The following FBLN5 variants were observed in gnomAD, a reference collection of about 807,000 sequenced individuals.
FBLN5 encodes the protein fibulin 5.
FBLN5 carries 24 observed loss-of-function variants against 61.6 expected under a neutral mutation model. The ratio of observed to expected loss-of-function variants is 0.39; its 90% confidence interval spans 0.28 to 0.55. The LOEUF (loss-of-function observed/expected upper bound fraction) is 0.55. FBLN5 is among the 20% of genes least tolerant of loss of function. The pLI, the probability that FBLN5 is intolerant of heterozygous loss-of-function variation, is 0.65. For synonymous variants in FBLN5, 213 were observed against 219.8 expected (o/e 0.97, Z 0.27); for missense variants, 470 against 594.1 (o/e 0.79, Z 2.17).
In FBLN5 at chr14:91,882,664, G is replaced by T. The variant is rs964845310; in HGVS notation, c.862+290C>A. 3.3e-5 allele frequency among the ~76,000 whole-genome samples: 5 copies of T among 152,256 alleles called. No homozygotes were observed. The highest frequency in any genetic ancestry group is 9.6e-5 in the African/African-American group (4 of 41,468). On this transcript the variant is annotated intron_variant, in intron 8 of 10. Coordinates refer to ENST00000342058, the MANE Select transcript of FBLN5 (RefSeq NM_006329.4). The surrounding 1 kb of genome is among the most constrained non-coding windows in gnomAD (Gnocchi z 4.9). ...GAGGAGCCTCAGAGATCTGCCTGGG[G>T]AGGCAGAAAGCCACGCTTAGAGGCT...
chr14:91,885,553 T>C (rs1889690390), intron 7 of FBLN5, among the ~76,000 whole-genome samples: 1 of 152,120 alleles, frequency 6.6e-6, no homozygotes, highest in Non-Finnish European at 1.5e-5. Flanking sequence ...TGGGCCACCC[T>C]CTGGGCCGTG....
At chr14:91,925,225 A>G (rs1441058061) in intron 4 of FBLN5, among the ~76,000 whole-genome samples, 2 of 152,152 alleles carry the variant, frequency 1.3e-5, no homozygotes, top group Non-Finnish European at 2.9e-5. Context: ...CGGCCCCAAC[A>G]TACCCGCCGG....
intron 4 of FBLN5, among the ~76,000 whole-genome samples, chr14:91,896,428 C>T (rs926349176): frequency 2.1e-5 from 3 of 143,330 alleles, no homozygotes; most frequent in Non-Finnish European, 4.6e-5. Flanking sequence ...TCATCTACAC[C>T]TTTTCTCCAC....
At chr14:91,887,960 G>A (rs1595302380) in intron 6 of FBLN5, among the ~76,000 whole-genome samples, 1 of 152,178 alleles carries the variant, frequency 6.6e-6, no homozygotes, top group East Asian at 1.9e-4. Context: ...TAAAATCATG[G>A]TGCAGTTTAT....
Position 91,870,369 on chromosome 14 carries a change from C to A in FBLN5, c.1202G>T (p.Ser401Ile), listed in dbSNP as rs779205432. 3 of 1,613,846 alleles carry A rather than the reference C, an allele frequency of 1.9e-6. No homozygotes were observed. The highest frequency in any genetic ancestry group is 2.2e-5 in the East Asian group (1 of 44,894). Residue 401 changes from serine (S) to isoleucine (I), a missense_variant, in exon 11 of 11, where the codon AGT becomes ATT. Physicochemically the swap from Ser to Ile is moderately radical, Grantham distance 142. Coordinates refer to ENST00000342058, the MANE Select transcript of FBLN5 (RefSeq NM_006329.4). Reference sequence around the variant, plus strand: ...GGGGCGTGTCATCACCAGGGTGGCACTGATGGGGCCCGTTTGCTATGGACA... The same window carrying A: ...GGGGCGTGTCATCACCAGGGTGGCAATGATGGGGCCCGTTTGCTATGGACA... ...EFYMRQTGPI[S>I]ATLVMTRPIK...
intron 6 of FBLN5, among the ~76,000 whole-genome samples, chr14:91,890,317 A>C (rs1025395691): frequency 2.0e-5 from 3 of 152,240 alleles, no homozygotes; most frequent in African/African-American, 7.2e-5. Context: ...GGAGCCTGCC[A>C]GCCAGAACTC....
intron 9 of FBLN5, 94 bp downstream of exon 9, chr14:91,881,198 C>A (rs1166132424): frequency 3.0e-5 from 44 of 1,464,714 alleles, no homozygotes; most frequent in Non-Finnish European, 3.8e-6. Context: ...CCCCTCACTT[C>A]CTGGCTGGTG....
At chr14:91,940,945 T>C (rs1243836838) in intron 2 of FBLN5, among the ~76,000 whole-genome samples, 2 of 146,576 alleles carry the variant, frequency 1.4e-5, no homozygotes, top group African/African-American at 5.4e-5. Context: ...TTAGAAAAAC[T>C]TTATTTAAAA....
intron 10 of FBLN5, among the ~76,000 whole-genome samples, chr14:91,875,876 C>G (rs1212039058): frequency 6.6e-6 from 1 of 152,124 alleles, no homozygotes; most frequent in Non-Finnish European, 1.5e-5. Context: ...TGAGACAATC[C>G]AATAGAAATG....
chr14:91,946,889 T>TA (rs1305278488), intron 1 of FBLN5: 1 of 1,473,784 alleles, frequency 6.8e-7, no homozygotes, highest in Admixed American at 2.6e-5. Flanking sequence ...ATTTAAAAAA[T>TA]ACATACAAAA....
intron 1 of FBLN5, among the ~76,000 whole-genome samples, chr14:91,945,828 A>C (rs980540126): frequency 6.6e-6 from 1 of 152,200 alleles, no homozygotes; most frequent in Non-Finnish European, 1.5e-5. Flanking sequence ...CTGACCTTAT[A>C]AAGTGCAGAG....
Position 91,885,050 on chromosome 14 carries a change from A to G in FBLN5, c.740-1974T>C, listed in dbSNP as rs1453609451. 2.0e-5 allele frequency among the ~76,000 whole-genome samples: 3 copies of G among 152,302 alleles called. No homozygotes were observed. In the East Asian group the frequency reaches 5.8e-4, roughly 29 times the overall value. The stretch of plus-strand genomic sequence containing the variant: ...AGGAGGGGTCTGGGGCTACACGGAG[A>G]GGCCACCCCAGCCGTGATAACACAG... On this transcript the variant is annotated intron_variant, in intron 7 of 10. Coordinates refer to ENST00000342058, the MANE Select transcript of FBLN5 (RefSeq NM_006329.4).
At chr14:91,891,755 T>C (rs572244591) in intron 5 of FBLN5, among the ~76,000 whole-genome samples, 123 of 152,290 alleles carry the variant, frequency 8.1e-4, no homozygotes, top group South Asian at 5.2e-3. Flanking sequence ...AATGTTAAGA[T>C]TCAACTCAAA....
At chr14:91,893,352 A>G (rs1252319096) in intron 5 of FBLN5, among the ~76,000 whole-genome samples, 1 of 152,234 alleles carries the variant, frequency 6.6e-6, no homozygotes, top group East Asian at 1.9e-4. Flanking sequence ...GTTGGTTTGA[A>G]TGCACAGTGA....
At chr14:91,922,651 T>TGAGGTGGGATTTTCCAGAGACGTCTG (rs2055760702) in intron 4 of FBLN5, among the ~76,000 whole-genome samples, 1 of 152,210 alleles carries the variant, frequency 6.6e-6, no homozygotes, top group African/African-American at 2.4e-5. Context: ...GTCTGAGGTC[T>TGAGGTGGGATTTTCCAGAGACGTCTG]GAGGTGGGAT....
intron 4 of FBLN5, among the ~76,000 whole-genome samples, chr14:91,912,734 C>A (rs906123128): frequency 2.0e-5 from 3 of 148,966 alleles, no homozygotes; most frequent in African/African-American, 7.4e-5. Context: ...CGCTTGAGCC[C>A]GGGAAATCGA....
At chr14:91,896,953 C>T (rs576256829) in intron 4 of FBLN5, among the ~76,000 whole-genome samples, 3 of 152,256 alleles carry the variant, frequency 2.0e-5, no homozygotes, top group Admixed American at 6.5e-5. Flanking sequence ...TTCAGTAAAA[C>T]GTTCAACTGG....
At chr14:91,939,860 G>A in intron 3 of FBLN5, 10 of 434,696 alleles carry the variant, frequency 2.3e-5, no homozygotes, top group South Asian at 1.6e-4. Context: ...CTTGAGATGG[G>A]GAGGTTATCC....
Position 91,877,652 on chromosome 14 carries a change from G to T in FBLN5, c.1020C>A (p.Gly340=). 1 of 1,614,168 alleles carries T rather than the reference G, an allele frequency of 6.2e-7. No homozygotes were observed. Reference sequence around the variant, plus strand: ...AGATGGTAAAGGGCTGGTCTCTGCAGCCAGGGTTCTCAGCAGGACACATAC... The same window carrying T: ...AGATGGTAAAGGGCTGGTCTCTGCATCCAGGGTTCTCAGCAGGACACATAC... ...NRCMCPAENP[G]CRDQPFTILY... is the part of the protein sequence containing the mutation. Residue 340 remains glycine, a synonymous_variant, in exon 10 of 11, where the codon GGC becomes GGA. Coordinates refer to ENST00000342058, the MANE Select transcript of FBLN5 (RefSeq NM_006329.4).
Sources: gnomAD v4.1 joint callset for allele counts (sites outside exome capture counted in the v4.1 genomes callset) on GRCh38, gnomAD v4.1.1 for gene constraint, Gnocchi (gnomAD v3.1) non-coding constraint, MANE v1.5 for transcripts, NCBI Gene and HGNC (gene_info 2026-07-23, HGNC 2026-07-21) for gene names.